CACNA1F: variants seen among roughly 807,000 people sequenced by gnomAD.
CACNA1F encodes calcium voltage-gated channel subunit alpha1 F.
CACNA1F carries 59 observed loss-of-function variants against 143.8 expected under a neutral mutation model. That is an observed-to-expected ratio of 0.41 (90% confidence interval 0.33 to 0.51). CACNA1F has a LOEUF of 0.51. Ranked by LOEUF, CACNA1F falls within the 20% of genes least tolerant of loss-of-function variation. CACNA1F has a pLI of 0.22. For missense variants in CACNA1F, 1,411 were observed against 1,647.5 expected (o/e 0.86, Z 2.48); for synonymous variants, 643 against 649.1 (o/e 0.99, Z 0.14).
In CACNA1F at chrX:49,231,346, T is replaced by C. The variant is rs201310087; in HGVS notation, c.276-39A>G. The C allele has an allele frequency of 4.0e-4, 386 of 966,918 alleles. 1 individual carries two copies. Among genetic ancestry groups the C allele is most frequent in the Admixed American group, 2.1e-4 (8 of 38,160 alleles). 79.7% of individuals were successfully genotyped at this position (966,918 alleles called of 1,213,427 possible). ...AGTCAAGGACCCTGGCAGAGTGGCA[T>C]TGGAACCCCCCTACTCCCTTGGGAA... On this transcript the variant is annotated intron_variant, in intron 2 of 47. Coordinates refer to ENST00000323022, the MANE Select transcript of CACNA1F (RefSeq NM_001256789.3).
chrX:49,206,934 TC>T, intron 44 of CACNA1F, 70 bp downstream of exon 44: 1 of 1,129,485 alleles, frequency 8.9e-7, no homozygotes, highest in African/African-American at 1.8e-5. Context: ...CAAACAGTCC[TC>T]CCCGACCCAG....
At chrX:49,209,566 G>T (rs1301645680) in intron 41 of CACNA1F, 63 bp downstream of exon 41, 25 of 1,189,862 alleles carry the variant, frequency 2.1e-5, no homozygotes, top group Non-Finnish European at 2.3e-5. Context: ...ATCAAAATGG[G>T]GGTCAGCCTC....
intron 24 of CACNA1F, 87 bp downstream of exon 24, chrX:49,218,368 C>T (rs1000464385): frequency 2.1e-5 from 15 of 727,242 alleles, no homozygotes; most frequent in Middle Eastern, 8.3e-4. Context: ...GTCATGCATC[C>T]GTGCAAATGG....
intron 46 of CACNA1F, 43 bp from the exon 47 acceptor site, chrX:49,205,856 G>T (rs1557104770): frequency 4.5e-6 from 5 of 1,098,920 alleles, no homozygotes; most frequent in Non-Finnish European, 6.2e-6. Context: ...TGGATGAGTA[G>T]GGTATGAGGG....
chrX:49,226,567 C>T (rs1557109983), intron 10 of CACNA1F, 43 bp downstream of exon 10: 1 of 1,160,167 alleles, frequency 8.6e-7, no homozygotes, highest in Non-Finnish European at 1.2e-6. Flanking sequence ...TTGGCTTTCA[C>T]CTCTGCCTAC....
intron 17 of CACNA1F, among the ~76,000 whole-genome samples, chrX:49,221,785 G>A (rs2065777204): frequency 9.3e-6 from 1 of 106,961 alleles, no homozygotes; most frequent in Admixed American, 9.9e-5. Flanking sequence ...TTCAAGACCA[G>A]CCTTGCCAAC....
intron 6 of CACNA1F, among the ~76,000 whole-genome samples, chrX:49,229,960 G>A (rs781841005): frequency 8.9e-6 from 1 of 112,471 alleles, no homozygotes; most frequent in South Asian, 3.6e-4. Flanking sequence ...CGGGGCACTT[G>A]CACTTAAGTC....
Position 49,209,654 on chromosome X carries a change from G to T in CACNA1F, c.4796C>A (p.Ala1599Asp). The change falls in exon 41 of 48, where the codon GCC (alanine) becomes GAC (aspartate). Residue 1599 changes from alanine (A) to aspartate (D), a missense_variant. Ala to Asp is a moderately radical substitution (Grantham distance 126, BLOSUM62 -2). Transcript: ENST00000323022. ...CTGAAGGGCGGAAGAGGTGCTAGGG[G>T]CGGCGTCGTTGCCTAGTAGCCCTTT... is the stretch of plus-strand genomic sequence containing the variant. Reference protein sequence around the residue: ...KEKGLLGNDAAPSTSSALQAG... With the variant: ...KEKGLLGNDADPSTSSALQAG... 1 of 1,211,079 alleles carries T rather than the reference G, an allele frequency of 8.3e-7. No homozygotes were observed. The highest frequency in any genetic ancestry group is 1.1e-6 in the Non-Finnish European group (1 of 895,029).
intron 5 of CACNA1F, 37 bp downstream of exon 5, chrX:49,230,430 A>T (rs1267585316): frequency 8.4e-6 from 10 of 1,193,900 alleles, no homozygotes; most frequent in Non-Finnish European, 1.1e-5. Flanking sequence ...CCCCACCCCC[A>T]CCCTCCACCT....
chrX:49,207,800 T>C (rs1228133756), intron 43 of CACNA1F, among the ~76,000 whole-genome samples: 2 of 110,682 alleles, frequency 1.8e-5, no homozygotes, highest in African/African-American at 6.6e-5. Flanking sequence ...AGCAGCTAAG[T>C]GTTTGACATG....
chrX:49,217,892 C>T lies in CACNA1F; in HGVS notation c.3036+6G>A. Reference sequence around the variant, plus strand: ...TGCCTGGCATTCCCTCCAGTGTTTGCCCCACCTTGAAGAGCTGCACCCCGA... The same window carrying T: ...TGCCTGGCATTCCCTCCAGTGTTTGTCCCACCTTGAAGAGCTGCACCCCGA... On this transcript the variant is annotated splice_donor_region_variant and intron_variant, in intron 25 of 47. Transcript: ENST00000323022. 8.3e-7 allele frequency: 1 copy of T among 1,203,166 alleles called. No individual in the cohort carries two copies. The highest frequency in any genetic ancestry group is 1.8e-5 in the South Asian group (1 of 56,765).
chrX:49,223,156 G>A lies in CACNA1F; in HGVS notation c.1878-20C>T, dbSNP rs1557109146. On this transcript the variant is annotated intron_variant, in intron 14 of 47. Coordinates refer to ENST00000323022, the MANE Select transcript of CACNA1F (RefSeq NM_001256789.3). ...CAGTGTCTGCAGCAGAAATGGGAGGGGGCAGGGTCGATGCCATGTCCACTG... is the reference window on the plus strand; with the variant it reads ...CAGTGTCTGCAGCAGAAATGGGAGGAGGCAGGGTCGATGCCATGTCCACTG... 9.2e-7 allele frequency: 1 copy of A among 1,085,898 alleles called. No homozygotes were observed. The highest frequency in any genetic ancestry group is 1.3e-6 in the Non-Finnish European group (1 of 790,746). The allele number at this position is 1,085,898 out of a possible 1,213,427, so 89.5% of individuals were successfully genotyped here. A position where few individuals can be genotyped will look rare whatever the true frequency, so the allele number is the denominator to read the frequency against.
rs1557107162 is a variant in CACNA1F, at chrX:49,215,439, G to C, written c.3341C>G (p.Ala1114Gly). 3 of 1,202,802 alleles carry C rather than the reference G, an allele frequency of 2.5e-6. No homozygotes were observed. The highest frequency in any genetic ancestry group is 3.4e-6 in the Non-Finnish European group (3 of 887,875). ...VFFIVYIIII[A>G]FFMMNIFVGF... ...CACGAAGATGTTCATCATGAAGAAC[G>C]CAATGATGATGATGTAGACAATGAA... is the stretch of plus-strand genomic sequence containing the variant. Residue 1114 changes from alanine to glycine, a missense_variant, in exon 28 of 48, where the codon GCG becomes GGG. By Grantham distance (60) the Ala-to-Gly change is moderately conservative. Coordinates refer to ENST00000323022, the MANE Select transcript of CACNA1F (RefSeq NM_001256789.3).
rs782076104 is a variant in CACNA1F, at chrX:49,205,202, ACTC to A, written c.5833_5835del (p.Glu1945del). 4 of 1,208,186 alleles carry A rather than the reference ACTC, an allele frequency of 3.3e-6. No homozygotes were observed. The South Asian group carries it at 5.3e-5, about 16-fold the overall frequency. On this transcript the variant is annotated inframe_deletion, in exon 48 of 48. Transcript: ENST00000323022. ...TCCTCATCGAAGCGGGAGAGGATGG[ACTC>A]CTCGTCGCTATAGAGAGAGCTGGTT...
chrX:49,226,138 A>T, intron 12 of CACNA1F, 69 bp from the exon 13 acceptor site: 1 of 1,127,392 alleles, frequency 8.9e-7, no homozygotes, highest in Non-Finnish European at 1.2e-6. Context: ...CAGGTGGGGG[A>T]TCCAAAGGTC....
Position 49,214,186 on chromosome X carries a change from C to T in CACNA1F, c.3681G>A (p.Val1227=). Residue 1227 remains valine (V), a synonymous_variant, in exon 30 of 48, where the codon GTG becomes GTA. Transcript: ENST00000323022. The part of the protein sequence containing the change: ...VFTGLFTIEM[V]LKIIAFKPKH... Reference sequence around the variant, plus strand: ...TGGGCTTGAAGGCGATGATTTTGAGCACCATCTCAATAGTGAAGAGGCCAG... The same window carrying T: ...TGGGCTTGAAGGCGATGATTTTGAGTACCATCTCAATAGTGAAGAGGCCAG... 8.3e-7 allele frequency: 1 copy of T among 1,202,413 alleles called. No homozygotes were observed. Among genetic ancestry groups the T allele is most frequent in the East Asian group, 3.0e-5 (1 of 33,814 alleles).
At chrX:49,231,623 T>A in intron 2 of CACNA1F, 55 bp downstream of exon 2, 1 of 1,196,094 alleles carries the variant, frequency 8.4e-7, no homozygotes, top group Non-Finnish European at 1.1e-6. Context: ...AATTCTTTAC[T>A]CCTGGTACCC....
At chrX:49,210,937 A>G (rs2065651550) in intron 37 of CACNA1F, 28 bp downstream of exon 37, 1 of 1,195,739 alleles carries the variant, frequency 8.4e-7, no homozygotes, top group South Asian at 1.8e-5. Context: ...TGTCCCCTGG[A>G]TTCTAGGTAA....
In CACNA1F at chrX:49,206,854, G is replaced by A. The variant is rs782428735; in HGVS notation, c.5233C>T (p.Leu1745Phe). ...QDEDEEVPDR[L>F]SYLDEQAGTP... The stretch of plus-strand genomic sequence containing the variant: ...CCTGCCTGCTCATCTAGGTAGGAAA[G>A]CCTGTGTGGGTGGGAGGGCCAGGGG... The change falls in exon 45 of 48, where the codon CTT becomes TTT. Residue 1745 changes from leucine (L) to phenylalanine (F), a missense_variant and splice_region_variant. Coordinates refer to ENST00000323022, the MANE Select transcript of CACNA1F (RefSeq NM_001256789.3). The A allele has an allele frequency of 3.8e-5, 46 of 1,199,415 alleles. No homozygotes were observed. The East Asian group carries it at 1.1e-3, about 29-fold the overall frequency.
Sources: allele counts gnomAD v4.1 joint callset (sites outside exome capture counted in the v4.1 genomes callset), GRCh38; gene constraint gnomAD v4.1.1; transcripts MANE v1.5; gene names NCBI Gene and HGNC (gene_info 2026-07-23, HGNC 2026-07-21).